The following MUSK variants were observed in gnomAD, a reference collection of about 807,000 sequenced individuals.
MUSK encodes muscle associated receptor tyrosine kinase.
MUSK carries 55 observed loss-of-function variants against 88.7 expected under a neutral mutation model. The ratio of observed to expected loss-of-function variants is 0.62; its 90% CI spans 0.50 to 0.78. The LOEUF (loss-of-function observed/expected upper bound fraction) is 0.78, where lower values mean the gene tolerates loss of function less well. Among genes scored for constraint, MUSK ranks in the 30% least tolerant of loss-of-function variants. The pLI is 0.00. For synonymous variants in MUSK, 387 were observed against 391.9 expected (o/e 0.99, Z 0.15); for missense variants, 1,015 against 1,074.3 (o/e 0.94, Z 0.77).
At chr9:110,704,079 G>C (rs183506180) in intron 5 of MUSK, among the ~76,000 whole-genome samples, 1 of 152,114 alleles carries the variant, frequency 6.6e-6, no homozygotes, top group South Asian at 2.1e-4. Flanking sequence ...TGGTATAGCC[G>C]CATGAAGGTT....
intron 13 of MUSK, among the ~76,000 whole-genome samples, chr9:110,786,873 C>T (rs2132031313): frequency 6.6e-6 from 1 of 152,232 alleles, no homozygotes; most frequent in Non-Finnish European, 1.5e-5. Context: ...CGGCCTGGTG[C>T]TCTTGGGCAA....
At chr9:110,690,417 AATATAAATATATATTTCAATATAAGTAT>A (rs1564220062) in intron 3 of MUSK, among the ~76,000 whole-genome samples, 6 of 45,138 alleles carry the variant, frequency 1.3e-4, no homozygotes, top group Non-Finnish European at 2.4e-4. Flanking sequence ...TATATATTTA[AATATAAATATATATTTCAATATAAGTAT>A]ATATAAATAT....
intron 6 of MUSK, among the ~76,000 whole-genome samples, chr9:110,742,144 A>C (rs963470163): frequency 1.3e-5 from 2 of 152,084 alleles, no homozygotes; most frequent in Non-Finnish European, 2.9e-5. Flanking sequence ...TCAAGGGAGT[A>C]TAAAGACATC....
intron 12 of MUSK, 24 bp from the exon 13 acceptor site, chr9:110,785,503 T>A: frequency 6.4e-7 from 1 of 1,562,804 alleles, no homozygotes; most frequent in Non-Finnish European, 8.7e-7. Context: ...AGCTCATTCC[T>A]GATCTTGCCT....
At chr9:110,689,554 T>C (rs1284986428) in intron 3 of MUSK, among the ~76,000 whole-genome samples, 1 of 104,632 alleles carries the variant, frequency 9.6e-6, no homozygotes, top group Admixed American at 1.3e-4. Context: ...TATATATATT[T>C]ATATATTATA....
Position 110,772,087 on chromosome 9 carries a change from AATT to A in MUSK, c.1185-3695_1185-3693del, listed in dbSNP as rs1410151612. Among the ~76,000 whole-genome samples the A allele has an allele frequency of 7.3e-5, 11 of 150,146 alleles. No individual in the cohort carries two copies. In the South Asian group the frequency reaches 8.3e-4, roughly 11 times the overall value. On this transcript the variant is annotated intron_variant, in intron 9 of 14. Transcript: ENST00000374448. ...CTCTGATGGAAAAATATGGTCTATA[AATT>A]ATTATATATAGTTTATATATAATAT... is the stretch of plus-strand genomic sequence containing the variant.
chr9:110,684,078 C>A (rs1036112501), intron 2 of MUSK, among the ~76,000 whole-genome samples: 2 of 151,980 alleles, frequency 1.3e-5, no homozygotes, highest in African/African-American at 4.8e-5. Context: ...TGGAGAGTTT[C>A]CCCAATGTTT....
Position 110,784,251 on chromosome 9 carries a change from A to G in MUSK, c.1385-564A>G, listed in dbSNP as rs1355810698. 2.6e-5 allele frequency among the ~76,000 whole-genome samples: 4 copies of G among 152,180 alleles called. No homozygotes were observed. The East Asian group carries it at 7.7e-4, about 29-fold the overall frequency. ...TTTGTACTCTACAAATAGTGGTATG[A>G]GTATGGCATCTTTTGGTTTCCAACA... On this transcript the variant is annotated intron_variant, in intron 11 of 14. Transcript: ENST00000374448.
At chr9:110,787,247 A>G (rs1407080539) in intron 13 of MUSK, among the ~76,000 whole-genome samples, 1 of 151,152 alleles carries the variant, frequency 6.6e-6, no homozygotes, top group Non-Finnish European at 1.5e-5. Flanking sequence ...CTGTAGACCC[A>G]GCTACTCAGG....
chr9:110,734,673 C>T (rs2077006945), intron 6 of MUSK, among the ~76,000 whole-genome samples: 2 of 152,086 alleles, frequency 1.3e-5, no homozygotes, highest in South Asian at 4.1e-4. Context: ...TTTCATTAAA[C>T]TCATCACCGA....
chr9:110,779,374 C>T, intron 11 of MUSK, among the ~76,000 whole-genome samples: 1 of 152,112 alleles, frequency 6.6e-6, no homozygotes, highest in South Asian at 2.1e-4. Flanking sequence ...AACAACTGAT[C>T]TTCACTCTAT....
At chr9:110,781,749 C>T (rs891096086) in intron 11 of MUSK, among the ~76,000 whole-genome samples, 2 of 152,132 alleles carry the variant, frequency 1.3e-5, no homozygotes, top group Non-Finnish European at 2.9e-5. Context: ...CTGTCTTCTC[C>T]CTGTGTCCTC....
chr9:110,762,947 C>A (rs2077423188), intron 8 of MUSK, among the ~76,000 whole-genome samples: 1 of 152,044 alleles, frequency 6.6e-6, no homozygotes, highest in South Asian at 2.1e-4. Flanking sequence ...GTATTCTTGA[C>A]AACCACTGAG....
intron 9 of MUSK, among the ~76,000 whole-genome samples, chr9:110,772,628 A>G (rs529895556): frequency 2.0e-4 from 31 of 152,058 alleles, no homozygotes; most frequent in Non-Finnish European, 3.8e-4. Flanking sequence ...CAAAATTCAT[A>G]TATTTATGTT....
intron 3 of MUSK, among the ~76,000 whole-genome samples, chr9:110,693,514 G>A (rs144808504): frequency 9.7e-4 from 147 of 152,252 alleles, no homozygotes; most frequent in African/African-American, 3.4e-3. Flanking sequence ...CTGGCACAGC[G>A]GGATACTTCC....
chr9:110,713,262 CTT>C (rs67227503), intron 5 of MUSK, among the ~76,000 whole-genome samples: 38 of 137,600 alleles, frequency 2.8e-4, no homozygotes, highest in East Asian at 2.1e-4. Context: ...ACCTTTTTTT[CTT>C]TTTTTTTTTT....
At chr9:110,762,379 G>C (rs1329668623) in intron 8 of MUSK, among the ~76,000 whole-genome samples, 171 bp downstream of exon 8, 2 of 152,100 alleles carry the variant, frequency 1.3e-5, no homozygotes, top group Admixed American at 6.5e-5. Flanking sequence ...TATTTGCTGA[G>C]CACTGTAACA....
chr9:110,768,110 A>G, intron 9 of MUSK, 27 bp downstream of exon 9: 1 of 1,573,290 alleles, frequency 6.4e-7, no homozygotes, highest in South Asian at 1.2e-5. Flanking sequence ...AAGTCAAAGG[A>G]AAAATTCCAT....
rs144141839 is a variant in MUSK at position 110,772,714 on chromosome 9, A to G, written c.1185-3074A>G. Among the ~76,000 whole-genome samples the G allele has an allele frequency of 2.9e-4, 44 of 152,180 alleles. No homozygotes were observed. In the East Asian group the frequency reaches 8.3e-3, roughly 29 times the overall value. Reference sequence around the variant, plus strand: ...ATAGTGATGCGTCAAAATTTTCACAATTGTGTTTCCAAGAATGTTTTCTTG... The same window carrying G: ...ATAGTGATGCGTCAAAATTTTCACAGTTGTGTTTCCAAGAATGTTTTCTTG... On this transcript the variant is annotated intron_variant, in intron 9 of 14. Coordinates refer to ENST00000374448, the MANE Select transcript of MUSK (RefSeq NM_005592.4).
Sources: gnomAD v4.1 joint callset for allele counts (sites outside exome capture counted in the v4.1 genomes callset) on GRCh38, gnomAD v4.1.1 for gene constraint, MANE v1.5 for transcripts, NCBI Gene and HGNC (gene_info 2026-07-23, HGNC 2026-07-21) for gene names.